Variants in VPS8 observed in about 807,000 individuals in gnomAD.
VPS8 encodes vacuolar protein sorting-associated protein 8 homolog.
A neutral mutation model predicts 216.4 loss-of-function variants in VPS8; 129 were observed. The observed-to-expected ratio is 0.60, with a 90% CI of 0.52 to 0.69. The LOEUF is 0.69. Ranked by LOEUF, VPS8 falls within the 30% of genes least tolerant of loss-of-function variation. VPS8 has a pLI of 0.00. For missense variants in VPS8, 1,531 were observed against 1,683.5 expected (o/e 0.91, Z 1.59); for synonymous variants, 571 against 565.4 (o/e 1.01, Z -0.14).
chr3:184,906,100 A>G (rs970341793), intron 25 of VPS8, among the ~76,000 whole-genome samples: 1 of 152,196 alleles, frequency 6.6e-6, no homozygotes, highest in Non-Finnish European at 1.5e-5. Context: ...TTACAGCTAC[A>G]AATATTCCTC....
chr3:184,825,774 CGTGCCT>C (rs1718628625), intron 2 of VPS8, among the ~76,000 whole-genome samples: 1 of 151,942 alleles, frequency 6.6e-6, no homozygotes, highest in African/African-American at 2.4e-5. Context: ...TGTGGTGGCA[CGTGCCT>C]GTACTCCTAG....
rs761879748 is a variant in VPS8, at chr3:184,966,701, C to T, written c.3304C>T (p.His1102Tyr). 6.3e-7 allele frequency: 1 copy of T among 1,590,558 alleles called. No homozygotes were observed. Among genetic ancestry groups the T allele is most frequent in the South Asian group, 1.2e-5 (1 of 86,060 alleles). The stretch of plus-strand genomic sequence containing the variant: ...ACAAAGCAAACTTCAAGAGGTAACA[C>T]ATCAAGGTGAAAGTAAGTTCTTGAA... Reference protein sequence around the residue: ...RLQSKLQEVTHQGENTKEDPS... With the variant: ...RLQSKLQEVTYQGENTKEDPS... The change falls in exon 39 of 48, where the codon CAT (histidine) becomes TAT (tyrosine). Residue 1102 changes from histidine to tyrosine, a missense_variant. Around this residue, in one of 3 missense-constraint regions of VPS8, gnomAD observed 1,318 missense variants for 1,468.4 expected, o/e 0.90. Transcript: ENST00000625842.
intron 4 of VPS8, 108 bp downstream of exon 4, chr3:184,832,927 G>A: frequency 7.4e-7 from 1 of 1,349,122 alleles, no homozygotes; most frequent in Non-Finnish European, 1.0e-6. Flanking sequence ...AGCCTTGCAT[G>A]GGAAGTAGAA....
intron 46 of VPS8, among the ~76,000 whole-genome samples, chr3:185,047,263 C>G (rs908457175): frequency 3.3e-5 from 5 of 152,242 alleles, no homozygotes; most frequent in Non-Finnish European, 7.3e-5. Context: ...TGAGAACTTG[C>G]AGAGTCCCGT....
At chr3:184,998,057 G>A (rs1319937061) in intron 44 of VPS8, among the ~76,000 whole-genome samples, 1 of 152,148 alleles carries the variant, frequency 6.6e-6, no homozygotes, top group African/African-American at 2.4e-5. Context: ...GAGGCTAGTG[G>A]CACCTGAGCA....
chr3:184,863,110 A>T, intron 16 of VPS8, 43 bp downstream of exon 16: 1 of 1,597,156 alleles, frequency 6.3e-7, no homozygotes, highest in East Asian at 2.2e-5. Context: ...AAATACTTTG[A>T]TAAACTTGGT....
chr3:184,871,302 G>A (rs1208219523), intron 21 of VPS8, among the ~76,000 whole-genome samples: 2 of 107,014 alleles, frequency 1.9e-5, no homozygotes, highest in Non-Finnish European at 3.5e-5. Context: ...AAAGAACAAT[G>A]TAGACGTGTA....
intron 36 of VPS8, among the ~76,000 whole-genome samples, chr3:184,950,269 A>G (rs1490046700): frequency 1.2e-5 from 1 of 86,396 alleles, no homozygotes; most frequent in Non-Finnish European, 2.1e-5. Context: ...TGGATGATGT[A>G]TTTGCATTCT....
chr3:184,922,723 G>T (rs1288735106), intron 29 of VPS8, among the ~76,000 whole-genome samples: 2 of 152,144 alleles, frequency 1.3e-5, no homozygotes, highest in African/African-American at 4.8e-5. Context: ...GATCCGGTGA[G>T]AGGAGGAGTA....
At chr3:185,013,489 C>T (rs946058162) in intron 45 of VPS8, among the ~76,000 whole-genome samples, 1 of 152,238 alleles carries the variant, frequency 6.6e-6, no homozygotes, top group Non-Finnish European at 1.5e-5. Flanking sequence ...TTGTCTGCAG[C>T]TCCTTCAAGC....
intron 37 of VPS8, among the ~76,000 whole-genome samples, chr3:184,961,217 G>A (rs1327571991): frequency 2.6e-5 from 4 of 151,936 alleles, no homozygotes; most frequent in Non-Finnish European, 5.9e-5. Context: ...AAATGAAAAT[G>A]TACAGACACA....
At chr3:184,838,878 A>C (rs1026624312) in intron 6 of VPS8, 132 bp downstream of exon 6, 1 of 703,562 alleles carries the variant, frequency 1.4e-6, no homozygotes, top group Non-Finnish European at 2.3e-6. Context: ...ACTGCCAGTA[A>C]TCAGGTTTAA....
At chr3:184,987,492 C>G (rs1035758647) in intron 42 of VPS8, among the ~76,000 whole-genome samples, 1 of 152,066 alleles carries the variant, frequency 6.6e-6, no homozygotes, top group African/African-American at 2.4e-5. Context: ...AGTGCGTAGT[C>G]TTTTCATATT....
chr3:184,914,605 A>G (rs1367699275), intron 26 of VPS8, among the ~76,000 whole-genome samples: 2 of 152,198 alleles, frequency 1.3e-5, no homozygotes, highest in African/African-American at 4.8e-5. Context: ...TGAGAACGCC[A>G]GGCTTTTAAC....
At chr3:185,021,571 G>C (rs1053169483) in intron 45 of VPS8, among the ~76,000 whole-genome samples, 3 of 152,138 alleles carry the variant, frequency 2.0e-5, no homozygotes, top group African/African-American at 7.2e-5. Context: ...ATCATTTTTA[G>C]CAAGCTACAT....
intron 14 of VPS8, among the ~76,000 whole-genome samples, chr3:184,857,573 T>C (rs1362142963): frequency 1.3e-5 from 2 of 152,246 alleles, no homozygotes; most frequent in African/African-American, 2.4e-5. Context: ...TGCTTTATTA[T>C]GAGAGAAAAA....
rs73067327 is a variant in VPS8, at chr3:185,022,669, A to T, written c.4003-1667A>T. Among the ~76,000 whole-genome samples, 366 of 152,322 alleles carry T rather than the reference A, an allele frequency of 2.4e-3. 1 individual carries two copies. Among genetic ancestry groups the T allele is most frequent in the African/African-American group, 8.2e-3 (340 of 41,582 alleles). ...TAATATATCCTCTTTCATTGCTGAT[A>T]CTGGTAATTTATAGTCTCCTTTTCT... On this transcript the variant is annotated intron_variant, in intron 45 of 47. Coordinates refer to ENST00000625842, the MANE Select transcript of VPS8 (RefSeq NM_001009921.3).
rs78932859 is a variant in VPS8 at position 185,003,738 on chromosome 3, C to T, written c.4002+3877C>T. 1.8e-3 allele frequency among the ~76,000 whole-genome samples: 272 copies of T among 151,214 alleles called. 1 individual carries two copies. The highest frequency in any genetic ancestry group is 3.0e-3 in the Non-Finnish European group (202 of 67,832). ...CTTCCCAGACGGGGTGGCTGCTGGG[C>T]GGAGGGGCTCCTCACTTCTCAGACG... On this transcript the variant is annotated intron_variant, in intron 45 of 47. Transcript: ENST00000625842.
At chr3:184,924,769 A>C in intron 29 of VPS8, 93 bp from the exon 30 acceptor site, 1 of 1,435,148 alleles carries the variant, frequency 7.0e-7, no homozygotes. Context: ...ACGCGTCTTC[A>C]GTCATGAGGC....
Sources: gnomAD v4.1 joint callset for allele counts (sites outside exome capture counted in the v4.1 genomes callset) on GRCh38, gnomAD v4.1.1 for gene constraint, gnomAD v4.1.1 regional missense constraint, MANE v1.5 for transcripts, NCBI Gene and HGNC (gene_info 2026-07-23, HGNC 2026-07-21) for gene names.